The following SALL4 variants were observed in gnomAD, a reference collection of about 807,000 sequenced individuals.
SALL4 encodes the protein sal-like protein 4.
A neutral mutation model predicts 60.8 loss-of-function variants in SALL4; 4 were observed. The ratio of observed to expected loss-of-function variants is 0.07; its 90% CI spans 0.03 to 0.15. The LOEUF (loss-of-function observed/expected upper bound fraction) is 0.15. Ranked by LOEUF, SALL4 falls within the 10% of genes least tolerant of loss-of-function variation. SALL4 has a pLI of 1.00. For missense variants in SALL4, 1,178 were observed against 1,394.7 expected, an observed-to-expected ratio of 0.84 and a Z score of 2.48; for synonymous variants, 580 against 574.9, an observed-to-expected ratio of 1.01 and a Z score of -0.13.
chr20:51,783,380 A>G lies in SALL4; in HGVS notation c.*885T>C, dbSNP rs1477233753. On this transcript the variant is annotated 3_prime_UTR_variant, in exon 4 of 4. Coordinates refer to ENST00000217086, the MANE Select transcript of SALL4 (RefSeq NM_020436.5). ...AAGGTTCTAAGGTTGAAGCAGTTTT[A>G]TAATTCTACAACCCTAGTTTTTTGT... 6.6e-6 allele frequency: 1 copy of G among 152,186 alleles called. No individual in the cohort carries two copies. The highest frequency in any genetic ancestry group is 1.5e-5 in the Non-Finnish European group (1 of 68,036). 9.4% of individuals were successfully genotyped at this position (152,186 alleles called of 1,614,324 possible).
Position 51,802,293 on chromosome 20 carries a change from G to T in SALL4, c.116C>A (p.Ala39Glu). 6.2e-7 allele frequency: 1 copy of T among 1,606,064 alleles called. No homozygotes were observed. The highest frequency in any genetic ancestry group is 8.5e-7 in the Non-Finnish European group (1 of 1,177,390). The stretch of plus-strand genomic sequence containing the variant: ...GCCCCACTCACCCAGCTCCCCCGCC[G>T]CGGGCGCCGCTGGGGCCGCATCTGC... The part of the protein sequence containing the change: ...EFADAAPAAP[A>E]AGELGAPVNH... Residue 39 changes from alanine (A) to glutamate (E), a missense_variant, in exon 1 of 4, where the codon GCG becomes GAG. Physicochemically the swap from Ala to Glu is moderately radical, Grantham distance 107. This residue lies in a region of SALL4 where 108 missense variants were observed against 95.7 expected (regional missense o/e 1.13). Transcript: ENST00000217086.
chr20:51,795,069 G>C (rs6126345), intron 1 of SALL4, among the ~76,000 whole-genome samples: 2 of 152,144 alleles, frequency 1.3e-5, no homozygotes, highest in African/African-American at 4.8e-5. Context: ...GCTACTTCCA[G>C]GTAGAGTTCT....
At position 51,784,171 on chromosome 20, in the gene SALL4, A is replaced by G; in HGVS notation, c.*94T>C. On this transcript the variant is annotated 3_prime_UTR_variant, in exon 4 of 4. Coordinates refer to ENST00000217086, the MANE Select transcript of SALL4 (RefSeq NM_020436.5). ...TAAACATCATTTGCATATCAGTAAG[A>G]AAAAGAAAACAGGAGGAGATGAGTT... 1 of 1,464,000 alleles carries G rather than the reference A, an allele frequency of 6.8e-7. No homozygotes were observed. Among genetic ancestry groups the G allele is most frequent in the Non-Finnish European group, 9.5e-7 (1 of 1,053,298 alleles). The allele number at this position is 1,464,000 out of a possible 1,614,324, so 90.7% of individuals were successfully genotyped here.
At chr20:51,796,755 T>G (rs566200506) in intron 1 of SALL4, among the ~76,000 whole-genome samples, 2 of 152,312 alleles carry the variant, frequency 1.3e-5, no homozygotes, top group South Asian at 4.1e-4. Flanking sequence ...AATCGTTTCT[T>G]CTAGAGCGGA....
chr20:51,795,404 G>A (rs1324475770), intron 1 of SALL4, among the ~76,000 whole-genome samples: 2 of 151,914 alleles, frequency 1.3e-5, no homozygotes, highest in Non-Finnish European at 2.9e-5. Flanking sequence ...GAGACTCCGT[G>A]TCAAAAAAAC....
chr20:51,790,428 A>G lies in SALL4; in HGVS notation c.2055T>C (p.Asp685=). 1.2e-6 allele frequency: 2 copies of G among 1,614,028 alleles called. No individual in the cohort carries two copies. The highest frequency in any genetic ancestry group is 1.7e-6 in the Non-Finnish European group (2 of 1,179,998). Residue 685 remains aspartate, a synonymous_variant, in exon 2 of 4, where the codon GAT becomes GAC. Transcript: ENST00000217086. This position sits in a 1 kb window ranked among gnomAD's most constrained non-coding sequence, Gnocchi z 5.5. ...CTACATCGATGCTTTCGATGACATC[A>G]TCATGGCAGATAGCGCCGGTGCTGC... is the stretch of plus-strand genomic sequence containing the variant. ...ENGSTGAICH[D]DVIESIDVEE... is the part of the protein sequence containing the mutation.
chr20:51,784,506 C>T lies in SALL4; in HGVS notation c.2921G>A (p.Ser974Asn), dbSNP rs747127461. 5.6e-6 allele frequency: 9 copies of T among 1,614,144 alleles called. No individual in the cohort carries two copies. In the South Asian group the frequency reaches 9.9e-5, roughly 18 times the overall value. Reference protein sequence around the residue: ...VDPVVWNQYTSMLNGGLAVKT... With the variant: ...VDPVVWNQYTNMLNGGLAVKT... ...CACGGCCAGACCGCCATTGAGCATG[C>T]TGGTGTACTGGTTCCACACAACAGG... Residue 974 changes from serine to asparagine, a missense_variant, in exon 4 of 4, where the codon AGC becomes AAC. Ser to Asn is a conservative substitution (Grantham distance 46). Around this residue, in one of 5 missense-constraint regions of SALL4, gnomAD observed 174 missense variants for 169.6 expected, o/e 1.03. Coordinates refer to ENST00000217086, the MANE Select transcript of SALL4 (RefSeq NM_020436.5).
chr20:51,786,094 T>TTTG (rs1863618787), intron 3 of SALL4, among the ~76,000 whole-genome samples: 2 of 141,932 alleles, frequency 1.4e-5, no homozygotes, highest in African/African-American at 5.4e-5. Flanking sequence ...TAATTGTTTT[T>TTTG]TTTTTTTTTT....
At chr20:51,796,351 A>C (rs542029578) in intron 1 of SALL4, among the ~76,000 whole-genome samples, 17 of 152,284 alleles carry the variant, frequency 1.1e-4, no homozygotes, top group Admixed American at 4.6e-4. Flanking sequence ...AACATACTTC[A>C]TACTCTTACA....
chr20:51,792,304 T>G lies in SALL4; in HGVS notation c.179A>C (p.Glu60Ala). Residue 60 changes from glutamate (E) to alanine (A), a missense_variant, in exon 2 of 4, where the codon GAA (glutamate) becomes GCA (alanine). Glu to Ala is a moderately radical substitution (Grantham distance 107, BLOSUM62 -1). This residue lies in a region of SALL4 where 108 missense variants were observed against 95.7 expected (regional missense o/e 1.13). Transcript: ENST00000217086. ...PGNDEVASED[E>A]ATVKRLRREE... is the part of the protein sequence containing the mutation. Reference sequence around the variant, plus strand: ...CCGACGAAGCCGCTTTACTGTGGCTTCATCCTCACTCGCCACCTCGTCATT... The same window carrying G: ...CCGACGAAGCCGCTTTACTGTGGCTGCATCCTCACTCGCCACCTCGTCATT... 6.2e-7 allele frequency: 1 copy of G among 1,608,574 alleles called. No homozygotes were observed. The highest frequency in any genetic ancestry group is 1.3e-5 in the African/African-American group (1 of 75,022).
Position 51,802,148 on chromosome 20 carries a change from C to T in SALL4, c.130+131G>A. The T allele has an allele frequency of 9.1e-6, 10 of 1,095,334 alleles. 1 individual carries two copies. Among genetic ancestry groups the T allele is most frequent in the Middle Eastern group, 6.2e-4 (2 of 3,216 alleles). 67.9% of individuals were successfully genotyped at this position (1,095,334 alleles called of 1,614,324 possible). A position where few individuals can be genotyped will look rare whatever the true frequency, so the allele number is the denominator to read the frequency against. On this transcript the variant is annotated intron_variant, in intron 1 of 3. Transcript: ENST00000217086. ...AGAGGAGGAGACCTCTCCTCCCGGGCACTGAGCCCCCAAATCTCGGCTCCT... is the reference window on the plus strand; with the variant it reads ...AGAGGAGGAGACCTCTCCTCCCGGGTACTGAGCCCCCAAATCTCGGCTCCT...
chr20:51,789,275 A>T, intron 2 of SALL4, 134 bp from the exon 3 acceptor site: 1 of 910,134 alleles, frequency 1.1e-6, no homozygotes. Context: ...AGTAATTAAC[A>T]CCTTCCCCTT....
At chr20:51,796,749 G>A (rs1037401094) in intron 1 of SALL4, among the ~76,000 whole-genome samples, 1 of 152,018 alleles carries the variant, frequency 6.6e-6, no homozygotes, top group Non-Finnish European at 1.5e-5. Context: ...ATTCATAATC[G>A]TTTCTTCTAG....
rs950207396 is a variant in SALL4, at chr20:51,792,402, G to C, written c.131-50C>G. 4.4e-6 allele frequency: 7 copies of C among 1,593,702 alleles called. No individual in the cohort carries two copies. In the African/African-American group the frequency reaches 6.7e-5, roughly 15 times the overall value. On this transcript the variant is annotated intron_variant, in intron 1 of 3. Coordinates refer to ENST00000217086, the MANE Select transcript of SALL4 (RefSeq NM_020436.5). ...GGACTCTGCCCAAGTAAAAGATGTG[G>C]GGGGAGCCGGGCACCGTCGCTCACA...
chr20:51,794,982 A>C (rs1289667986), intron 1 of SALL4, among the ~76,000 whole-genome samples: 1 of 152,084 alleles, frequency 6.6e-6, no homozygotes, highest in Non-Finnish European at 1.5e-5. Flanking sequence ...AAGGGGTGGG[A>C]GTCGACCACC....
rs370056007 is a variant in SALL4 at position 51,801,776 on chromosome 20, A to C, written c.130+503T>G. ...GGCCCGGGAGGGGCGCGTGCAACAGATCGTCCTCCTCCGGGGGGTCTTCCA... is the reference window on the plus strand; with the variant it reads ...GGCCCGGGAGGGGCGCGTGCAACAGCTCGTCCTCCTCCGGGGGGTCTTCCA... On this transcript the variant is annotated intron_variant, in intron 1 of 3. Coordinates refer to ENST00000217086, the MANE Select transcript of SALL4 (RefSeq NM_020436.5). The surrounding 1 kb of genome is among the most constrained non-coding windows in gnomAD (Gnocchi z 5.2). Among the ~76,000 whole-genome samples the C allele has an allele frequency of 6.6e-6, 1 of 151,682 alleles. No individual in the cohort carries two copies. Among genetic ancestry groups the C allele is most frequent in the African/African-American group, 2.4e-5 (1 of 41,270 alleles).
Position 51,791,923 on chromosome 20 carries a change from C to G in SALL4, c.560G>C (p.Arg187Pro). ...CTGATTCACCGCCACCTTGGTGCCCCGTAGTGCCTGCAAGGTCACATTAGT... is the reference window on the plus strand; with the variant it reads ...CTGATTCACCGCCACCTTGGTGCCCGGTAGTGCCTGCAAGGTCACATTAGT... Reference protein sequence around the residue: ...ANTNVTLQALRGTKVAVNQRS... With the variant: ...ANTNVTLQALPGTKVAVNQRS... Residue 187 changes from arginine (R) to proline (P), a missense_variant, in exon 2 of 4, where the codon CGG (arginine) becomes CCG (proline). By Grantham distance (103) the Arg-to-Pro change is moderately radical (BLOSUM62 -2). Coordinates refer to ENST00000217086, the MANE Select transcript of SALL4 (RefSeq NM_020436.5). This position sits in a 1 kb window ranked among gnomAD's most constrained non-coding sequence, Gnocchi z 4.6. The G allele has an allele frequency of 1.2e-6, 2 of 1,614,210 alleles. No homozygotes were observed. Among genetic ancestry groups the G allele is most frequent in the Non-Finnish European group, 1.7e-6 (2 of 1,180,044 alleles).
At chr20:51,785,417 T>G (rs2077985095) in intron 3 of SALL4, among the ~76,000 whole-genome samples, 1 of 152,238 alleles carries the variant, frequency 6.6e-6, no homozygotes, top group Non-Finnish European at 1.5e-5. Flanking sequence ...TGAATGCCTA[T>G]CACTTTTGTA....
In SALL4 at chr20:51,790,916, C is replaced by G. The variant is rs113920122; in HGVS notation, c.1567G>C (p.Gly523Arg). Residue 523 changes from glycine (G) to arginine (R), a missense_variant, in exon 2 of 4, where the codon GGG becomes CGG. Gly to Arg is a moderately radical substitution (Grantham distance 125). This residue lies in a region of SALL4 where 853 missense variants were observed against 1,036.8 expected (regional missense o/e 0.82). Coordinates refer to ENST00000217086, the MANE Select transcript of SALL4 (RefSeq NM_020436.5). This position sits in a 1 kb window ranked among gnomAD's most constrained non-coding sequence, Gnocchi z 5.5. ...GGGGAATTATAGTTTGGTCCCACCC[C>G]AGGGAGTGTGGGTCCACCCTCACTT... is the stretch of plus-strand genomic sequence containing the variant. ...PESEGGPTLP[G>R]VGPNYNSPRA... The G allele has an allele frequency of 2.7e-5, 43 of 1,614,016 alleles. No homozygotes were observed. The Admixed American group carries it at 7.2e-4, about 27-fold the overall frequency.
Sources: gnomAD v4.1 joint callset for allele counts (sites outside exome capture counted in the v4.1 genomes callset) on GRCh38, gnomAD v4.1.1 for gene constraint, gnomAD v4.1.1 regional missense constraint, Gnocchi (gnomAD v3.1) non-coding constraint, MANE v1.5 for transcripts, NCBI Gene and HGNC (gene_info 2026-07-23, HGNC 2026-07-21) for gene names.